Variants in CCBE1 observed in about 807,000 individuals in gnomAD.
CCBE1 encodes collagen and calcium-binding EGF domain-containing protein 1.
CCBE1 carries 37 observed loss-of-function variants against 50.0 expected under a neutral mutation model. The observed-to-expected ratio is 0.74, with a 90% CI of 0.57 to 0.97. The LOEUF (loss-of-function observed/expected upper bound fraction) is 0.97. Ranked by LOEUF, CCBE1 falls within the 50% of genes least tolerant of loss-of-function variation. CCBE1 has a pLI of 0.00. For missense variants in CCBE1, 538 were observed against 523.8 expected, an observed-to-expected ratio of 1.03 and a Z score of -0.26; for synonymous variants, 234 against 203.7, an observed-to-expected ratio of 1.15 and a Z score of -1.27.
intron 2 of CCBE1, among the ~76,000 whole-genome samples, chr18:59,564,430 C>T (rs891478842): frequency 6.6e-6 from 1 of 152,150 alleles, no homozygotes; most frequent in African/African-American, 2.4e-5. Context: ...TTTCCATTGT[C>T]AGTACATAGA....
At chr18:59,563,386 G>T (rs1328130002) in intron 2 of CCBE1, among the ~76,000 whole-genome samples, 1 of 152,230 alleles carries the variant, frequency 6.6e-6, no homozygotes, top group Non-Finnish European at 1.5e-5. Context: ...TTTGGAAGCA[G>T]ACTATCAGTA....
At chr18:59,639,181 A>G (rs2053952549) in intron 2 of CCBE1, among the ~76,000 whole-genome samples, 1 of 152,056 alleles carries the variant, frequency 6.6e-6, no homozygotes, top group African/African-American at 2.4e-5. Context: ...GAGGTGGGAG[A>G]ATGGATTGAG....
chr18:59,539,879 CAG>C lies in CCBE1; in HGVS notation c.213-59643_213-59642del, dbSNP rs373057621. Among the ~76,000 whole-genome samples the C allele has an allele frequency of 2.5e-3, 375 of 152,302 alleles. 1 individual carries two copies. The highest frequency in any genetic ancestry group is 8.6e-3 in the African/African-American group (356 of 41,576). The stretch of plus-strand genomic sequence containing the variant: ...CTTTCTATAGTTTACATTTTAAACA[CAG>C]AGTCTTGTTTGCTTTTGAAAAATAA... On this transcript the variant is annotated intron_variant, in intron 2 of 10. Transcript: ENST00000439986.
At chr18:59,606,968 C>T (rs942533697) in intron 2 of CCBE1, among the ~76,000 whole-genome samples, 7 of 151,224 alleles carry the variant, frequency 4.6e-5, no homozygotes, top group African/African-American at 7.3e-5. Flanking sequence ...CTAGACTGTC[C>T]GAGTCATGTC....
At chr18:59,605,260 C>T (rs1599055556) in intron 2 of CCBE1, among the ~76,000 whole-genome samples, 1 of 152,202 alleles carries the variant, frequency 6.6e-6, no homozygotes, top group Admixed American at 6.5e-5. Flanking sequence ...TTTTAGGGAA[C>T]AGCTAAAGTC....
At chr18:59,577,257 C>A (rs149438317) in intron 2 of CCBE1, among the ~76,000 whole-genome samples, 12 of 152,334 alleles carry the variant, frequency 7.9e-5, no homozygotes, top group African/African-American at 2.4e-4. Flanking sequence ...TTTGTGGGGT[C>A]ACCAGATGGC....
At chr18:59,611,216 ACT>A (rs2053564752) in intron 2 of CCBE1, among the ~76,000 whole-genome samples, 3 of 152,172 alleles carry the variant, frequency 2.0e-5, no homozygotes, top group Non-Finnish European at 2.9e-5. Flanking sequence ...ATTAAGTATC[ACT>A]CAGCTTCTTC....
intron 2 of CCBE1, among the ~76,000 whole-genome samples, chr18:59,636,517 C>T (rs1332149066): frequency 6.6e-6 from 1 of 152,168 alleles, no homozygotes; most frequent in African/African-American, 2.4e-5. Context: ...ACATAAAGAT[C>T]CAAGGACAAG....
chr18:59,620,720 G>A (rs1415408050), intron 2 of CCBE1, among the ~76,000 whole-genome samples: 1 of 152,166 alleles, frequency 6.6e-6, no homozygotes, highest in Non-Finnish European at 1.5e-5. Context: ...CCTGCCTGAT[G>A]CCATATAAGA....
intron 2 of CCBE1, among the ~76,000 whole-genome samples, chr18:59,562,217 A>G (rs981527671): frequency 1.3e-5 from 2 of 152,238 alleles, no homozygotes; most frequent in Non-Finnish European, 2.9e-5. Context: ...GTGTATATAC[A>G]TACATGCAAA....
chr18:59,478,721 A>C (rs967154407), intron 3 of CCBE1, among the ~76,000 whole-genome samples: 1 of 152,216 alleles, frequency 6.6e-6, no homozygotes, highest in Non-Finnish European at 1.5e-5. Context: ...TAAGATCTTA[A>C]ACCAAAGGGG....
intron 2 of CCBE1, among the ~76,000 whole-genome samples, chr18:59,533,885 C>A (rs1915143285): frequency 6.6e-6 from 1 of 152,194 alleles, no homozygotes. Flanking sequence ...CGTGAAAACA[C>A]ATTTATCCGT....
intron 2 of CCBE1, among the ~76,000 whole-genome samples, chr18:59,571,680 GAATA>G (rs770816107): frequency 4.6e-5 from 7 of 152,144 alleles, no homozygotes; most frequent in African/African-American, 7.2e-5. Flanking sequence ...ATGAATAAAT[GAATA>G]AACATATGGA....
chr18:59,680,653 G>C (rs1195265153), intron 2 of CCBE1, among the ~76,000 whole-genome samples: 1 of 151,030 alleles, frequency 6.6e-6, no homozygotes, highest in Non-Finnish European at 1.5e-5. Context: ...AGCCGAGATT[G>C]CTGCCACTGC....
intron 2 of CCBE1, among the ~76,000 whole-genome samples, chr18:59,556,046 T>A (rs2052651684): frequency 2.0e-5 from 3 of 152,240 alleles, no homozygotes; most frequent in Non-Finnish European, 2.9e-5. Flanking sequence ...CAGAAGAGGG[T>A]ATCTAGGTCT....
intron 2 of CCBE1, among the ~76,000 whole-genome samples, chr18:59,673,104 T>C (rs1343105234): frequency 6.6e-6 from 1 of 152,132 alleles, no homozygotes; most frequent in Non-Finnish European, 1.5e-5. Flanking sequence ...TGTGAGAAAG[T>C]TGCTTGACAA....
intron 2 of CCBE1, among the ~76,000 whole-genome samples, chr18:59,551,853 G>A (rs972082974): frequency 3.5e-4 from 54 of 152,276 alleles, no homozygotes; most frequent in African/African-American, 1.3e-3. Context: ...TCTTCCTAGT[G>A]CTCAGTTTCT....
intron 2 of CCBE1, among the ~76,000 whole-genome samples, chr18:59,677,188 C>T (rs1403673688): frequency 1.3e-5 from 2 of 152,108 alleles, no homozygotes; most frequent in African/African-American, 4.8e-5. Context: ...ATGACAGTGG[C>T]CTGGACCAGG....
intron 2 of CCBE1, chr18:59,564,184 T>G (rs2052783404): frequency 6.6e-6 from 1 of 152,228 alleles, no homozygotes; most frequent in Non-Finnish European, 1.5e-5. Context: ...CGAAAGTGTT[T>G]CATTTATATT....
Sources: gnomAD v4.1 joint callset for allele counts (sites outside exome capture counted in the v4.1 genomes callset) on GRCh38, gnomAD v4.1.1 for gene constraint, MANE v1.5 for transcripts, NCBI Gene and HGNC (gene_info 2026-07-23, HGNC 2026-07-21) for gene names.